The following MYLK variants were observed in gnomAD, a reference collection of about 807,000 sequenced individuals.
MYLK encodes the protein myosin light chain kinase, smooth muscle.
MYLK carries 106 observed loss-of-function variants against 203.4 expected under a neutral mutation model. That is an observed-to-expected ratio of 0.52 (90% CI 0.45 to 0.61). MYLK has a LOEUF of 0.61. Ranked by LOEUF, MYLK falls within the 20% of genes least tolerant of loss-of-function variation. The probability of loss-of-function intolerance (pLI) is 0.00; values close to 1 mark genes in which losing one functional copy is unlikely to be tolerated. For missense variants in MYLK, 2,072 were observed against 2,442.3 expected (o/e 0.85, Z 3.20); for synonymous variants, 867 against 959.5 (o/e 0.90, Z 1.78).
intron 2 of MYLK, among the ~76,000 whole-genome samples, chr3:123,873,975 T>C (rs955724059): frequency 1.3e-5 from 2 of 152,046 alleles, no homozygotes; most frequent in Non-Finnish European, 1.5e-5. Context: ...TGCCAAAAAC[T>C]ATAAAATATT....
chr3:123,827,750 A>ATATATAG (rs1560269132), intron 3 of MYLK, among the ~76,000 whole-genome samples: 2 of 90,822 alleles, frequency 2.2e-5, no homozygotes, highest in African/African-American at 8.0e-5. Flanking sequence ...TATATATATA[A>ATATATAG]AGACTCTACC....
At chr3:123,705,462 T>G (rs1442425799) in intron 16 of MYLK, among the ~76,000 whole-genome samples, 1 of 152,172 alleles carries the variant, frequency 6.6e-6, no homozygotes. Flanking sequence ...TGGAAGAGCA[T>G]CTGATTTAAG....
intron 4 of MYLK, among the ~76,000 whole-genome samples, chr3:123,767,732 G>T (rs1187874714): frequency 6.6e-6 from 1 of 152,210 alleles, no homozygotes; most frequent in African/African-American, 2.4e-5. Context: ...AGTAAGGATG[G>T]GTGGGTGTCA....
chr3:123,791,367 T>C (rs1269549538), intron 4 of MYLK, among the ~76,000 whole-genome samples: 1 of 152,216 alleles, frequency 6.6e-6, no homozygotes, highest in Non-Finnish European at 1.5e-5. Context: ...TTTAACTTCG[T>C]CTTTGGTATC....
intron 32 of MYLK, among the ~76,000 whole-genome samples, chr3:123,619,564 A>G (rs2057727809): frequency 6.6e-6 from 1 of 152,196 alleles, no homozygotes; most frequent in Non-Finnish European, 1.5e-5. Flanking sequence ...GCCAAATGAG[A>G]TAAGGGTCTG....
At chr3:123,830,122 A>G (rs748351117) in intron 3 of MYLK, among the ~76,000 whole-genome samples, 25 of 152,220 alleles carry the variant, frequency 1.6e-4, no homozygotes, top group Non-Finnish European at 2.6e-4. Context: ...GGCCAGGCAG[A>G]TGTGTCTTTA....
At chr3:123,684,427 T>A (rs2060377719) in intron 19 of MYLK, among the ~76,000 whole-genome samples, 1 of 152,194 alleles carries the variant, frequency 6.6e-6, no homozygotes, top group South Asian at 2.1e-4. Flanking sequence ...ACCAGGGGCA[T>A]GGAGTCAGTC....
At chr3:123,624,007 C>G (rs2058008157) in intron 31 of MYLK, 2 of 152,018 alleles carry the variant, frequency 1.3e-5, no homozygotes, top group Non-Finnish European at 2.9e-5. Context: ...AACCCTATGG[C>G]TAATAATGCC....
At chr3:123,869,175 G>C (rs921956885) in intron 2 of MYLK, among the ~76,000 whole-genome samples, 1 of 152,034 alleles carries the variant, frequency 6.6e-6, no homozygotes, top group Non-Finnish European at 1.5e-5. Context: ...CCCCTAACAC[G>C]TGTGCAAAAG....
chr3:123,810,252 C>T (rs1377178011), intron 3 of MYLK, among the ~76,000 whole-genome samples: 3 of 152,208 alleles, frequency 2.0e-5, no homozygotes, highest in African/African-American at 7.2e-5. Flanking sequence ...GACCTCAGGA[C>T]AGAATGGCCG....
chr3:123,843,740 C>A (rs567861381), intron 2 of MYLK, among the ~76,000 whole-genome samples: 5 of 152,280 alleles, frequency 3.3e-5, no homozygotes, highest in African/African-American at 1.2e-4. Flanking sequence ...TATTCAAATT[C>A]CCTGCCCCTC....
chr3:123,711,125 A>C (rs1352090198), intron 13 of MYLK, among the ~76,000 whole-genome samples: 2 of 151,972 alleles, frequency 1.3e-5, no homozygotes, highest in Non-Finnish European at 2.9e-5. Flanking sequence ...GAGAGAGTGC[A>C]TGTTGGATGA....
At chr3:123,649,302 AG>A in intron 24 of MYLK, 108 bp from the exon 25 acceptor site, 1 of 1,427,380 alleles carries the variant, frequency 7.0e-7, no homozygotes, top group East Asian at 2.3e-5. Context: ...CTCCCCAGGC[AG>A]ACGACTACCA....
intron 4 of MYLK, among the ~76,000 whole-genome samples, chr3:123,759,165 T>G (rs2063455392): frequency 6.6e-6 from 1 of 152,218 alleles, no homozygotes; most frequent in African/African-American, 2.4e-5. Context: ...ACTTCTCACG[T>G]TGATACCTTC....
Position 123,613,739 on chromosome 3 carries a change from G to A in MYLK, c.*366C>T, listed in dbSNP as rs1221508225. On this transcript the variant is annotated 3_prime_UTR_variant, in exon 34 of 34. Coordinates refer to ENST00000360304, the MANE Select transcript of MYLK (RefSeq NM_053025.4). ...ACCCTCTGGGCTGAGCTGTGGCCCA[G>A]AACTCTTGTTTTGGCCTTATTTTTC... The A allele has an allele frequency of 3.2e-6, 1 of 314,940 alleles. No homozygotes were observed. The highest frequency in any genetic ancestry group is 6.1e-6 in the Non-Finnish European group (1 of 164,526). The allele number at this position is 314,940 out of a possible 1,614,324, so 19.5% of individuals were successfully genotyped here.
intron 20 of MYLK, among the ~76,000 whole-genome samples, chr3:123,672,238 CGAGA>C: frequency 6.8e-6 from 1 of 147,190 alleles, no homozygotes; most frequent in East Asian, 2.0e-4. Context: ...GAGAAAGGAG[CGAGA>C]GAGAAAGAGG....
intron 19 of MYLK, among the ~76,000 whole-genome samples, chr3:123,687,587 T>TCTTCCTTC (rs761614652): frequency 3.4e-5 from 5 of 148,578 alleles, no homozygotes; most frequent in African/African-American, 1.3e-4. Context: ...TTCCTTCCTT[T>TCTTCCTTC]CTTCCTTCCT....
At chr3:123,687,721 G>A (rs1426680777) in intron 19 of MYLK, among the ~76,000 whole-genome samples, 1 of 150,556 alleles carries the variant, frequency 6.6e-6, no homozygotes, top group Non-Finnish European at 1.5e-5. Context: ...CCACAGGCTG[G>A]AGTACCGTGG....
chr3:123,847,530 G>A (rs2148659977), intron 2 of MYLK, among the ~76,000 whole-genome samples: 1 of 152,146 alleles, frequency 6.6e-6, no homozygotes, highest in Middle Eastern at 3.4e-3. Flanking sequence ...GTTAAGGATT[G>A]TTTTTTGCTG....
Sources: gnomAD v4.1 joint callset for allele counts (sites outside exome capture counted in the v4.1 genomes callset) on GRCh38, gnomAD v4.1.1 for gene constraint, MANE v1.5 for transcripts, NCBI Gene and HGNC (gene_info 2026-07-23, HGNC 2026-07-21) for gene names.